ADGRB2: variants seen among roughly 807,000 people sequenced by gnomAD.
ADGRB2 encodes the protein adhesion G protein-coupled receptor B2, also known as brain-specific angiogenesis inhibitor 2.
A neutral mutation model predicts 178.7 loss-of-function variants in ADGRB2; 47 were observed. The ratio of observed to expected loss-of-function variants is 0.26; its 90% confidence interval spans 0.21 to 0.34. The LOEUF (loss-of-function observed/expected upper bound fraction) is 0.34. Among genes scored for constraint, ADGRB2 ranks in the 10% least tolerant of loss-of-function variants. The pLI, the probability that ADGRB2 is intolerant of heterozygous loss-of-function variation, is 1.00. For synonymous variants in ADGRB2, 870 were observed against 912.4 expected, an observed-to-expected ratio of 0.95 and a Z score of 0.84; for missense variants, 1,584 against 2,180.8, an observed-to-expected ratio of 0.73 and a Z score of 5.45.
intron 4 of ADGRB2, among the ~76,000 whole-genome samples, chr1:31,747,353 C>A (rs1646330224): frequency 6.6e-6 from 1 of 152,160 alleles, no homozygotes; most frequent in African/African-American, 2.4e-5. Context: ...GGCCCTGCCT[C>A]TCCTGTGCTC....
intron 27 of ADGRB2, 86 bp downstream of exon 27, chr1:31,732,431 T>C: frequency 1.4e-6 from 2 of 1,476,334 alleles, no homozygotes; most frequent in Non-Finnish European, 1.9e-6. Context: ...CTGCCATGGA[T>C]GGGGAAGGTA....
At chr1:31,738,656 G>A (rs1645761515) in intron 16 of ADGRB2, 26 bp from the exon 17 acceptor site, 1 of 1,612,190 alleles carries the variant, frequency 6.2e-7, no homozygotes, top group South Asian at 1.1e-5. Flanking sequence ...CATGAGTGCA[G>A]TCTAGGGAGG....
rs558904353 is a variant in ADGRB2 at position 31,733,428 on chromosome 1, G to A, written c.3453-285C>T. Among the ~76,000 whole-genome samples, 22 of 152,302 alleles carry A rather than the reference G, an allele frequency of 1.4e-4. No homozygotes were observed. Among genetic ancestry groups the A allele is most frequent in the African/African-American group, 3.8e-4 (16 of 41,568 alleles). ...CGAGCCACAGACAGTGGAAAGGGAC[G>A]GGGAGAGAGAAGAGGAGGCAGACAG... On this transcript the variant is annotated intron_variant, in intron 25 of 32. Transcript: ENST00000373658. The surrounding 1 kb of genome is among the most constrained non-coding windows in gnomAD (Gnocchi z 4.3).
rs887690614 is a variant in ADGRB2, at chr1:31,755,887, G to A, written c.838+112C>T. 5 of 1,404,410 alleles carry A rather than the reference G, an allele frequency of 3.6e-6. No homozygotes were observed. Among genetic ancestry groups the A allele is most frequent in the Non-Finnish European group, 4.8e-6 (5 of 1,034,552 alleles). The allele number at this position is 1,404,410 out of a possible 1,614,324, so 87.0% of individuals were successfully genotyped here. A position where few individuals can be genotyped will look rare whatever the true frequency, so the allele number is the denominator to read the frequency against. ...AACATTTGGACAAGGCTCAGCAGAG[G>A]GGTGACATCAGTGAACAGCTACATG... On this transcript the variant is annotated intron_variant, in intron 4 of 32. Coordinates refer to ENST00000373658, the MANE Select transcript of ADGRB2 (RefSeq NM_001364857.2). The surrounding 1 kb of genome is among the most constrained non-coding windows in gnomAD (Gnocchi z 5.1).
At position 31,742,100 on chromosome 1, in the gene ADGRB2, G is replaced by A. The variant is rs370815085; in HGVS notation, c.1370C>T (p.Thr457Met). 19 of 1,613,002 alleles carry A rather than the reference G, an allele frequency of 1.2e-5. No individual in the cohort carries two copies. Among genetic ancestry groups the A allele is most frequent in the Middle Eastern group, 1.7e-4 (1 of 6,058 alleles). ...SVAGPAWATC[T>M]GALTDTRECS... ...CTCCCGGGTGTCAGTGAGGGCACCC[G>A]TGCATGTGGCCCAGGCTGGGCCCGC... Residue 457 changes from threonine (T) to methionine (M), a missense_variant, in exon 8 of 33, where the codon ACG becomes ATG. By Grantham distance (81) the Thr-to-Met change is moderately conservative. Around this residue, in one of 3 missense-constraint regions of ADGRB2, gnomAD observed 657 missense variants for 847.6 expected, o/e 0.78. Transcript: ENST00000373658.
In ADGRB2 at chr1:31,728,095, C is replaced by CA; in HGVS notation, c.4516-15dup. Reference sequence around the variant, plus strand: ...CCGCTTCTCCCTCTGCAACGGGGGCCACCGGTCAGGCTCCAACCCCAGGGG... The same window carrying CA: ...CCGCTTCTCCCTCTGCAACGGGGGCCAACCGGTCAGGCTCCAACCCCAGGGG... On this transcript the variant is annotated splice_polypyrimidine_tract_variant and intron_variant, in intron 31 of 32. Coordinates refer to ENST00000373658, the MANE Select transcript of ADGRB2 (RefSeq NM_001364857.2). The surrounding 1 kb of genome is among the most constrained non-coding windows in gnomAD (Gnocchi z 6.7). The CA allele has an allele frequency of 6.2e-7, 1 of 1,610,640 alleles. No individual in the cohort carries two copies. Among genetic ancestry groups the CA allele is most frequent in the Non-Finnish European group, 8.5e-7 (1 of 1,179,154 alleles).
At chr1:31,739,218 C>T in intron 15 of ADGRB2, 90 bp downstream of exon 15, 1 of 1,333,282 alleles carries the variant, frequency 7.5e-7, no homozygotes, top group Non-Finnish European at 1.0e-6. Flanking sequence ...CCATGGATCT[C>T]TCTGCAGCCA....
In ADGRB2 at chr1:31,733,625, G is replaced by A. The variant is rs1402183819; in HGVS notation, c.3453-482C>T. Among the ~76,000 whole-genome samples, 5 of 152,166 alleles carry A rather than the reference G, an allele frequency of 3.3e-5. No homozygotes were observed. Among genetic ancestry groups the A allele is most frequent in the African/African-American group, 9.7e-5 (4 of 41,424 alleles). Reference sequence around the variant, plus strand: ...CCCAGACAGAAAGATTAAACAGGCAGAGCACGCGGGGGACATCCAGAGCAC... The same window carrying A: ...CCCAGACAGAAAGATTAAACAGGCAAAGCACGCGGGGGACATCCAGAGCAC... On this transcript the variant is annotated intron_variant, in intron 25 of 32. Coordinates refer to ENST00000373658, the MANE Select transcript of ADGRB2 (RefSeq NM_001364857.2). The surrounding 1 kb of genome is among the most constrained non-coding windows in gnomAD (Gnocchi z 4.3).
At position 31,757,682 on chromosome 1, in the gene ADGRB2, T is replaced by C. The variant is rs144522215; in HGVS notation, c.-190-171A>G. Among the ~76,000 whole-genome samples, 376 of 152,240 alleles carry C rather than the reference T, an allele frequency of 2.5e-3. 3 individuals carry two copies. The highest frequency in any genetic ancestry group is 8.6e-3 in the African/African-American group (359 of 41,524). On this transcript the variant is annotated intron_variant, in intron 1 of 32. Coordinates refer to ENST00000373658, the MANE Select transcript of ADGRB2 (RefSeq NM_001364857.2). Reference sequence around the variant, plus strand: ...CCTCTTCCCCTCCAGCTCCATGGGATTATCTTCCAAGGCCTGGTTCAGGGC... The same window carrying C: ...CCTCTTCCCCTCCAGCTCCATGGGACTATCTTCCAAGGCCTGGTTCAGGGC...
At chr1:31,742,367 A>G (rs1646024439) in intron 7 of ADGRB2, 150 bp from the exon 8 acceptor site, 3 of 1,150,388 alleles carry the variant, frequency 2.6e-6, no homozygotes, top group Non-Finnish European at 3.6e-6. Flanking sequence ...GGGGGTTATG[A>G]GGAAGGCTGG....
chr1:31,732,343 G>T (rs1226309933), intron 27 of ADGRB2, among the ~76,000 whole-genome samples, 174 bp downstream of exon 27: 2 of 152,272 alleles, frequency 1.3e-5, no homozygotes, highest in South Asian at 2.1e-4. Context: ...TAGGAAAACT[G>T]AGTGGGGGAA....
intron 20 of ADGRB2, 92 bp from the exon 21 acceptor site, chr1:31,736,815 C>T (rs1645633628): frequency 6.7e-7 from 1 of 1,496,402 alleles, no homozygotes; most frequent in South Asian, 1.3e-5. Context: ...GGCGCTGCCA[C>T]AGCCGCCCAC....
chr1:31,756,130 G>C lies in ADGRB2; in HGVS notation c.707C>G (p.Thr236Ser), dbSNP rs768218587. 9 of 1,613,570 alleles carry C rather than the reference G, an allele frequency of 5.6e-6. No homozygotes were observed. Among genetic ancestry groups the C allele is most frequent in the Admixed American group, 3.3e-5 (2 of 60,010 alleles). The change falls in exon 4 of 33, where the codon ACC (threonine) becomes AGC (serine). Residue 236 changes from threonine (T) to serine (S), a missense_variant. Physicochemically the swap from Thr to Ser is moderately conservative, Grantham distance 58. Around this residue, in one of 3 missense-constraint regions of ADGRB2, gnomAD observed 657 missense variants for 847.6 expected, o/e 0.78. Coordinates refer to ENST00000373658, the MANE Select transcript of ADGRB2 (RefSeq NM_001364857.2). This position sits in a 1 kb window ranked among gnomAD's most constrained non-coding sequence, Gnocchi z 8.5. ...PGEAGAGSTT[T>S]TSPGPPAAHT... ...GGCAGCAGGAGGGCCTGGAGATGTG[G>C]TGGTGGTGGAGCCGGCCCCCGCCTC... is the stretch of plus-strand genomic sequence containing the variant.
Position 31,764,079 on chromosome 1 carries a change from G to T in ADGRB2, c.-386C>A. The T allele has an allele frequency of 2.3e-5, 22 of 937,258 alleles. No homozygotes were observed. Among genetic ancestry groups the T allele is most frequent in the South Asian group, 9.8e-5 (2 of 20,366 alleles). The allele number at this position is 937,258 out of a possible 1,614,324, so 58.1% of individuals were successfully genotyped here. The stretch of plus-strand genomic sequence containing the variant: ...GCGGAGCAGCGCGGGGCGGGCGGGC[G>T]GGCGGCGCCGGGCCGGGCGCGGGCT... On this transcript the variant is annotated 5_prime_UTR_variant, in exon 1 of 33. Coordinates refer to ENST00000373658, the MANE Select transcript of ADGRB2 (RefSeq NM_001364857.2). The surrounding 1 kb of genome is among the most constrained non-coding windows in gnomAD (Gnocchi z 7.3).
rs1038969306 is a variant in ADGRB2, at chr1:31,735,987, G to A, written c.3201-94C>T. ...TCAGTCCTCCCAGGCTGCCATGCCC[G>A]CATCACCAGTGCAGTCTGAGCCCCA... On this transcript the variant is annotated intron_variant, in intron 22 of 32. Transcript: ENST00000373658. This position sits in a 1 kb window ranked among gnomAD's most constrained non-coding sequence, Gnocchi z 6.0. 3.4e-5 allele frequency: 44 copies of A among 1,298,084 alleles called. No homozygotes were observed. Among genetic ancestry groups the A allele is most frequent in the South Asian group, 5.6e-5 (4 of 71,160 alleles). 80.4% of individuals were successfully genotyped at this position (1,298,084 alleles called of 1,614,324 possible).
At position 31,741,892 on chromosome 1, in the gene ADGRB2, C is replaced by T. The variant is rs761971779; in HGVS notation, c.1493G>A (p.Arg498His). 5 of 1,611,482 alleles carry T rather than the reference C, an allele frequency of 3.1e-6. No homozygotes were observed. Among genetic ancestry groups the T allele is most frequent in the Admixed American group, 1.7e-5 (1 of 59,876 alleles). The change falls in exon 9 of 33, where the codon CGC becomes CAC. Residue 498 changes from arginine to histidine, a missense_variant. Physicochemically the swap from Arg to His is conservative, Grantham distance 29. Around this residue, in one of 3 missense-constraint regions of ADGRB2, gnomAD observed 657 missense variants for 847.6 expected, o/e 0.78. Coordinates refer to ENST00000373658, the MANE Select transcript of ADGRB2 (RefSeq NM_001364857.2). This position sits in a 1 kb window ranked among gnomAD's most constrained non-coding sequence, Gnocchi z 6.5. ...SKTCDTGWQR[R>H]FRMCQATGTQ... ...GCCCGTGGCCTGGCACATGCGGAAG[C>T]GGCGCTGCCAGCCTGTGTCACACGT...
At position 31,750,347 on chromosome 1, in the gene ADGRB2, T is replaced by C. The variant is rs547258223; in HGVS notation, c.839-5616A>G. Among the ~76,000 whole-genome samples the C allele has an allele frequency of 2.6e-5, 4 of 152,302 alleles. No individual in the cohort carries two copies. In the East Asian group the frequency reaches 7.7e-4, roughly 29 times the overall value. On this transcript the variant is annotated intron_variant, in intron 4 of 32. Transcript: ENST00000373658. ...TGGGAAGACAGGCATTCAGCAAACA[T>C]GGGCCAGATATTGCTGGGAGTTCCT...
In ADGRB2 at chr1:31,727,552, C is replaced by T; in HGVS notation, c.4626G>A (p.Gln1542=). ...RPSLSQHRRH[Q]SWSTFKSMTL... Reference sequence around the variant, plus strand: ...TCATAGATTTGAAGGTGCTCCAGCTCTGATGGCGCCGATGTTGGGACAAGC... The same window carrying T: ...TCATAGATTTGAAGGTGCTCCAGCTTTGATGGCGCCGATGTTGGGACAAGC... Residue 1542 remains glutamine (Q), a synonymous_variant, in exon 33 of 33, where the codon CAG becomes CAA. Coordinates refer to ENST00000373658, the MANE Select transcript of ADGRB2 (RefSeq NM_001364857.2). The surrounding 1 kb of genome is among the most constrained non-coding windows in gnomAD (Gnocchi z 4.4). 1 of 1,583,034 alleles carries T rather than the reference C, an allele frequency of 6.3e-7. No homozygotes were observed. Among genetic ancestry groups the T allele is most frequent in the Non-Finnish European group, 8.5e-7 (1 of 1,170,204 alleles).
chr1:31,745,250 A>G (rs1469819013), intron 4 of ADGRB2, among the ~76,000 whole-genome samples: 1 of 152,120 alleles, frequency 6.6e-6, no homozygotes, highest in Non-Finnish European at 1.5e-5. Context: ...CCCCGAGCCT[A>G]TCTCTGAGAT....
Sources: gnomAD v4.1 joint callset for allele counts (sites outside exome capture counted in the v4.1 genomes callset) on GRCh38, gnomAD v4.1.1 for gene constraint, gnomAD v4.1.1 regional missense constraint, Gnocchi (gnomAD v3.1) non-coding constraint, MANE v1.5 for transcripts, NCBI Gene and HGNC (gene_info 2026-07-23, HGNC 2026-07-21) for gene names.